The following MSH6 variants were observed in gnomAD, a reference collection of about 807,000 sequenced individuals.
MSH6 encodes the protein mutS homolog 6.
In MSH6, 85 loss-of-function variants were observed where a neutral mutation model predicts 119.1. The observed-to-expected ratio is 0.71, with a 90% CI of 0.60 to 0.85. The LOEUF is 0.85. Among genes scored for constraint, MSH6 ranks in the 40% least tolerant of loss-of-function variants. MSH6 has a pLI of 0.00. For synonymous variants in MSH6, 830 were observed against 586.9 expected (o/e 1.41, Z -5.99); for missense variants, 2,163 against 1,655.3 (o/e 1.31, Z -5.32).
chr2:47,805,892 T>A (rs934199924), intron 7 of MSH6, among the ~76,000 whole-genome samples, 185 bp downstream of exon 7: 7 of 152,228 alleles, frequency 4.6e-5, no homozygotes, highest in African/African-American at 1.7e-4. Context: ...GGTTTTTGAT[T>A]ACCCATTAAT....
Position 47,783,439 on chromosome 2 carries a change from C to T in MSH6, c.206C>T (p.Ala69Val), listed in dbSNP as rs1558645360. The change falls in exon 1 of 10, where the codon GCG becomes GTG. Residue 69 changes from alanine (A) to valine (V), a missense_variant. Transcript: ENST00000234420. ...GCGCGCTCCGCGTCACCGCCCAAGG[C>T]GAAGAACCTCAACGGAGGGCTGCGG... is the stretch of plus-strand genomic sequence containing the variant. The part of the protein sequence containing the change: ...PLARSASPPK[A>V]KNLNGGLRRS... 1.3e-6 allele frequency: 2 copies of T among 1,498,296 alleles called. No individual in the cohort carries two copies. Among genetic ancestry groups the T allele is most frequent in the Middle Eastern group, 1.8e-4 (1 of 5,698 alleles). The allele number at this position is 1,498,296 out of a possible 1,614,324, so 92.8% of individuals were successfully genotyped here.
intron 4 of MSH6, among the ~76,000 whole-genome samples, chr2:47,801,959 T>C (rs1163434827): frequency 1.3e-5 from 2 of 152,186 alleles, no homozygotes; most frequent in Non-Finnish European, 2.9e-5. Context: ...GATTTTTAAA[T>C]GTGTTATACT....
chr2:47,783,228 G>T lies in MSH6; in HGVS notation c.-6G>T, dbSNP rs730881822. 1.9e-5 allele frequency: 30 copies of T among 1,611,184 alleles called. No individual in the cohort carries two copies. Among genetic ancestry groups the T allele is most frequent in the Non-Finnish European group, 2.5e-5 (30 of 1,179,368 alleles). On this transcript the variant is annotated 5_prime_UTR_variant, in exon 1 of 10. Transcript: ENST00000234420. Reference sequence around the variant, plus strand: ...ACAGAACGGTTGGGCCTTGCCGGCTGTCGGTATGTCGCGACAGAGCACCCT... The same window carrying T: ...ACAGAACGGTTGGGCCTTGCCGGCTTTCGGTATGTCGCGACAGAGCACCCT...
intron 6 of MSH6, among the ~76,000 whole-genome samples, 180 bp from the exon 7 acceptor site, chr2:47,805,437 CA>C (rs1202973498): frequency 1.3e-5 from 2 of 152,288 alleles, no homozygotes; most frequent in Non-Finnish European, 2.9e-5. Flanking sequence ...CTCGGCCTCC[CA>C]AAGTGCTGGG....
chr2:47,806,132 C>G (rs1670021693), intron 7 of MSH6, 72 bp from the exon 8 acceptor site: 4 of 1,392,184 alleles, frequency 2.9e-6, no homozygotes, highest in Non-Finnish European at 4.1e-6. Flanking sequence ...TCTGTCCTAG[C>G]ATTTTTGTTT....
At chr2:47,790,192 C>T (rs894967218) in intron 1 of MSH6, among the ~76,000 whole-genome samples, 2 of 152,178 alleles carry the variant, frequency 1.3e-5, no homozygotes, top group East Asian at 1.9e-4. Context: ...GAGGCCAAGG[C>T]GGGTGAATCA....
Position 47,800,261 on chromosome 2 carries a change from G to C in MSH6, c.2278G>C (p.Glu760Gln), listed in dbSNP as rs1322642187. 1 of 1,614,092 alleles carries C rather than the reference G, an allele frequency of 6.2e-7. No homozygotes were observed. Among genetic ancestry groups the C allele is most frequent in the South Asian group, 1.1e-5 (1 of 91,084 alleles). Residue 760 changes from glutamate to glutamine, a missense_variant, in exon 4 of 10, where the codon GAG becomes CAG. By Grantham distance (29) the Glu-to-Gln change is conservative. Transcript: ENST00000234420. ...TGGTTCTACTGAAGGAACCCTACTA[G>C]AGAGGGTTGATACTTGCCATACTCC... ...TNGSTEGTLL[E>Q]RVDTCHTPFG... is the part of the protein sequence containing the mutation.
intron 6 of MSH6, 99 bp from the exon 7 acceptor site, chr2:47,805,519 C>T: frequency 2.4e-6 from 2 of 850,152 alleles, no homozygotes; most frequent in Non-Finnish European, 4.0e-6. Context: ...TCTTTTATAC[C>T]AATATGTGTA....
At position 47,803,406 on chromosome 2, in the gene MSH6, C is replaced by G. The variant is rs1669728173; in HGVS notation, c.3173-14C>G. On this transcript the variant is annotated splice_polypyrimidine_tract_variant and intron_variant, in intron 4 of 9. Coordinates refer to ENST00000234420, the MANE Select transcript of MSH6 (RefSeq NM_000179.3). ...CAAACGATGAAGCCTCACTTTTACC[C>G]TCTCTTTTAACAGATGTTTTACTGT... 1 of 1,614,130 alleles carries G rather than the reference C, an allele frequency of 6.2e-7. No homozygotes were observed. Among genetic ancestry groups the G allele is most frequent in the East Asian group, 2.2e-5 (1 of 44,888 alleles).
At position 47,799,916 on chromosome 2, in the gene MSH6, G is replaced by T. The variant is rs1064795591; in HGVS notation, c.1933G>T (p.Glu645Ter). 1.2e-6 allele frequency: 2 copies of T among 1,614,156 alleles called. No homozygotes were observed. Among genetic ancestry groups the T allele is most frequent in the Middle Eastern group, 3.3e-4 (2 of 6,062 alleles). The change falls in exon 4 of 10, where the codon GAA becomes TAA. Residue 645 changes from glutamate (E) to a stop codon, truncating the protein, a stop_gained. Coordinates refer to ENST00000234420, the MANE Select transcript of MSH6 (RefSeq NM_000179.3). LOFTEE classifies it high-confidence loss of function. The stretch of plus-strand genomic sequence containing the variant: ...TCTCCTTGAGGAAGAATATTTTAGG[G>T]AAAAGCTAAGTGATGGCATTGGGGT... ...RTLLEEEYFR[E>*]KLSDGIGVML...
At chr2:47,806,410 C>A in intron 8 of MSH6, 42 bp from the exon 9 acceptor site, 9 of 1,611,210 alleles carry the variant, frequency 5.6e-6, no homozygotes, top group Non-Finnish European at 7.6e-6. Flanking sequence ...GAGGGCACTT[C>A]TCTTGCTAGC....
In MSH6 at chr2:47,800,384, G is replaced by A. The variant is rs1265121267; in HGVS notation, c.2401G>A (p.Val801Met). 6.2e-7 allele frequency: 1 copy of A among 1,613,952 alleles called. No individual in the cohort carries two copies. The highest frequency in any genetic ancestry group is 8.5e-7 in the Non-Finnish European group (1 of 1,180,024). Residue 801 changes from valine to methionine, a missense_variant, in exon 4 of 10, where the codon GTG becomes ATG. Val to Met is a conservative substitution (Grantham distance 21, BLOSUM62 1). Coordinates refer to ENST00000234420, the MANE Select transcript of MSH6 (RefSeq NM_000179.3). Reference protein sequence around the residue: ...RLDAIEDLMVVPDKISEVVEL... With the variant: ...RLDAIEDLMVMPDKISEVVEL... Reference sequence around the variant, plus strand: ...AGATGCCATAGAAGACCTCATGGTTGTGCCTGACAAAATCTCCGAAGTTGT... The same window carrying A: ...AGATGCCATAGAAGACCTCATGGTTATGCCTGACAAAATCTCCGAAGTTGT...
chr2:47,801,360 A>ATTTTTTT (rs1220786181), intron 4 of MSH6: 61 of 58,226 alleles, frequency 1.0e-3, no homozygotes, highest in East Asian at 2.4e-3. Flanking sequence ...GCCTTTCTTC[A>ATTTTTTT]GTTTTTTTTT....
At chr2:47,802,637 T>G (rs1463321508) in intron 4 of MSH6, among the ~76,000 whole-genome samples, 3 of 108,768 alleles carry the variant, frequency 2.8e-5, no homozygotes, top group South Asian at 2.2e-4. Flanking sequence ...CCAGCCCTGT[T>G]TTTTTTTTTT....
intron 1 of MSH6, among the ~76,000 whole-genome samples, chr2:47,788,929 T>TTGTTTTTGTTTTTTTTTTTTTTG (rs1668549277): frequency 2.2e-5 from 2 of 92,602 alleles, no homozygotes; most frequent in African/African-American, 1.0e-4. Flanking sequence ...TTTGTTTTTT[T>TTGTTTTTGTTTTTTTTTTTTTTG]TTTTTTTTTT....
chr2:47,800,155 T>G lies in MSH6; in HGVS notation c.2172T>G (p.Ala724=), dbSNP rs1669429966. Reference sequence around the variant, plus strand: ...CAGTCAGCACTACAAGATCTGGTGCTATCTTCACCAAAGCCTATCAACGAA... The same window carrying G: ...CAGTCAGCACTACAAGATCTGGTGCGATCTTCACCAAAGCCTATCAACGAA... ...SDTVSTTRSG[A]IFTKAYQRMV... Residue 724 remains alanine, a synonymous_variant, in exon 4 of 10, where the codon GCT becomes GCG. Transcript: ENST00000234420. 1 of 1,614,206 alleles carries G rather than the reference T, an allele frequency of 6.2e-7. No individual in the cohort carries two copies. Among genetic ancestry groups the G allele is most frequent in the Non-Finnish European group, 8.5e-7 (1 of 1,180,034 alleles).
rs1057522699 is a variant in MSH6, at chr2:47,783,206, G to C, written c.-28G>C. ...GTGCTTTTAGGAGCTCCGTCCGACA[G>C]AACGGTTGGGCCTTGCCGGCTGTCG... On this transcript the variant is annotated 5_prime_UTR_variant, in exon 1 of 10. Transcript: ENST00000234420. 3.7e-6 allele frequency: 6 copies of C among 1,610,096 alleles called. No individual in the cohort carries two copies. In the East Asian group the frequency reaches 1.3e-4, roughly 36 times the overall value.
intron 4 of MSH6, among the ~76,000 whole-genome samples, chr2:47,803,096 T>G (rs888314458): frequency 6.6e-6 from 1 of 152,142 alleles, no homozygotes; most frequent in African/African-American, 2.4e-5. Context: ...TTCTGTATTT[T>G]TAGTAGAGAC....
At chr2:47,797,812 A>G in intron 3 of MSH6, 1 of 222,580 alleles carries the variant, frequency 4.5e-6, no homozygotes, top group Non-Finnish European at 9.5e-6. Context: ...GATGAGGCTT[A>G]GAACTGGATC....
Sources: gnomAD v4.1 joint callset for allele counts (sites outside exome capture counted in the v4.1 genomes callset) on GRCh38, gnomAD v4.1.1 for gene constraint, MANE v1.5 for transcripts, NCBI Gene and HGNC (gene_info 2026-07-23, HGNC 2026-07-21) for gene names.